Variants in CDC25A observed in about 807,000 individuals in gnomAD.
The protein encoded by CDC25A is cell division cycle 25A.
A neutral mutation model predicts 64.6 loss-of-function variants in CDC25A; 17 were observed. The observed-to-expected ratio is 0.26, with a 90% confidence interval of 0.18 to 0.39. CDC25A has a LOEUF of 0.39. Ranked by LOEUF, CDC25A falls within the 10% of genes least tolerant of loss-of-function variation. The pLI is 1.00. For missense variants in CDC25A, 473 were observed against 654.8 expected (o/e 0.72, Z 3.03); for synonymous variants, 229 against 238.6 (o/e 0.96, Z 0.37).
chr3:48,185,490 G>C lies in CDC25A; in HGVS notation c.248-795C>G, dbSNP rs189199453. On this transcript the variant is annotated intron_variant, in intron 2 of 14. Transcript: ENST00000302506. ...TGTAATCTCAGCACTTTGGGAGGTC[G>C]AAGTGGGTGGATCACCTGAGATCAG... is the stretch of plus-strand genomic sequence containing the variant. Among the ~76,000 whole-genome samples, 4 of 151,426 alleles carry C rather than the reference G, an allele frequency of 2.6e-5. No individual in the cohort carries two copies. In the South Asian group the frequency reaches 8.4e-4, roughly 32 times the overall value.
intron 9 of CDC25A, among the ~76,000 whole-genome samples, chr3:48,173,821 G>A (rs529382842): frequency 2.0e-5 from 3 of 152,234 alleles, no homozygotes; most frequent in East Asian, 1.9e-4. Context: ...AAGAATCACC[G>A]GTCATACCAA....
In CDC25A at chr3:48,157,679, G is replaced by A. The variant is rs769202800; in HGVS notation, c.*1266C>T. The A allele has an allele frequency of 6.4e-4, 98 of 152,502 alleles. 1 individual carries two copies. Among genetic ancestry groups the A allele is most frequent in the Non-Finnish European group, 3.7e-4 (25 of 68,022 alleles). 9.4% of individuals were successfully genotyped at this position (152,502 alleles called of 1,614,324 possible). Reference sequence around the variant, plus strand: ...TATGGAGTTAGATAAGGGGACAACCGGTGATGATTCATCACTCCCTGTCTC... The same window carrying A: ...TATGGAGTTAGATAAGGGGACAACCAGTGATGATTCATCACTCCCTGTCTC... On this transcript the variant is annotated 3_prime_UTR_variant, in exon 15 of 15. Transcript: ENST00000302506.
Position 48,186,797 on chromosome 3 carries a change from AAACC to A in CDC25A, c.171-22_171-19del. 1 of 1,522,956 alleles carries A rather than the reference AAACC, an allele frequency of 6.6e-7. No individual in the cohort carries two copies. Among genetic ancestry groups the A allele is most frequent in the Non-Finnish European group, 9.0e-7 (1 of 1,105,614 alleles). 94.3% of individuals were successfully genotyped at this position (1,522,956 alleles called of 1,614,324 possible). A position where few individuals can be genotyped will look rare whatever the true frequency, so the allele number is the denominator to read the frequency against. On this transcript the variant is annotated intron_variant, in intron 1 of 14. Coordinates refer to ENST00000302506, the MANE Select transcript of CDC25A (RefSeq NM_001789.3). Reference sequence around the variant, plus strand: ...CATAATCACTGAAACCAACAGAAATAAACCATGAATGATTTATAGGATATAATTA... The same window carrying A: ...CATAATCACTGAAACCAACAGAAATAATGAATGATTTATAGGATATAATTA...
intron 9 of CDC25A, among the ~76,000 whole-genome samples, chr3:48,170,287 C>T (rs3731534): frequency 0.21 from 32,030 of 152,106 alleles, 4,315 homozygotes; most frequent in Non-Finnish European, 0.3. Context: ...GTTGAGGGCC[C>T]AGTCCTCAAA....
At chr3:48,176,577 A>T (rs968076299) in intron 8 of CDC25A, among the ~76,000 whole-genome samples, 7 of 147,016 alleles carry the variant, frequency 4.8e-5, no homozygotes, top group Non-Finnish European at 9.0e-5. Context: ...TATTATATAT[A>T]ATTTTTAAAA....
chr3:48,184,279 T>C (rs1575273928), intron 3 of CDC25A, among the ~76,000 whole-genome samples: 1 of 152,010 alleles, frequency 6.6e-6, no homozygotes, highest in African/African-American at 2.4e-5. Flanking sequence ...GGAGAATCAG[T>C]TGAACCTGGG....
intron 8 of CDC25A, among the ~76,000 whole-genome samples, chr3:48,176,998 C>CA (rs1168689266): frequency 6.0e-5 from 9 of 150,780 alleles, no homozygotes; most frequent in African/African-American, 1.7e-4. Flanking sequence ...AACACAGAAA[C>CA]AAAAAAAATC....
intron 5 of CDC25A, chr3:48,181,743 A>T: frequency 1.4e-6 from 1 of 738,454 alleles, no homozygotes. Flanking sequence ...GCTGAATTAT[A>T]GAATGTTCAC....
Position 48,177,391 on chromosome 3 carries a change from C to T in CDC25A, c.736G>A (p.Val246Ile). ...CMASLWTAPLVMRTTNLDNRC... is the reference protein window; with the variant it reads ...CMASLWTAPLIMRTTNLDNRC... ...CTCACAAGGTTTGTAGTTCTCATGA[C>T]GAGAGGAGCTGTCCAGAGGCTTGCC... Residue 246 changes from valine (V) to isoleucine (I), a missense_variant, in exon 8 of 15, where the codon GTC (valine) becomes ATC (isoleucine). By Grantham distance (29) the Val-to-Ile change is conservative (BLOSUM62 3). This residue lies in a region of CDC25A where 376 missense variants were observed against 431.9 expected (regional missense o/e 0.87). Transcript: ENST00000302506. 6.2e-7 allele frequency: 1 copy of T among 1,613,866 alleles called. No individual in the cohort carries two copies. Among genetic ancestry groups the T allele is most frequent in the Middle Eastern group, 1.6e-4 (1 of 6,062 alleles).
At chr3:48,162,854 A>T (rs1030217685) in intron 13 of CDC25A, among the ~76,000 whole-genome samples, 1 of 151,828 alleles carries the variant, frequency 6.6e-6, no homozygotes, top group Non-Finnish European at 1.5e-5. Context: ...TCTCAAAAAA[A>T]AAAAAAGGTT....
intron 10 of CDC25A, among the ~76,000 whole-genome samples, chr3:48,167,532 A>G (rs2032073868): frequency 6.6e-6 from 1 of 152,156 alleles, no homozygotes; most frequent in Non-Finnish European, 1.5e-5. Context: ...TCTGCTGTAC[A>G]CTATCCTGCT....
rs372516294 is a variant in CDC25A at position 48,158,941 on chromosome 3, G to A, written c.*4C>T. ...TGGGCTGCTGCTGGCTGGTCCTGCCGCCCTCAGAGCTTCTTCAGACGACTG... is the reference window on the plus strand; with the variant it reads ...TGGGCTGCTGCTGGCTGGTCCTGCCACCCTCAGAGCTTCTTCAGACGACTG... On this transcript the variant is annotated 3_prime_UTR_variant, in exon 15 of 15. Transcript: ENST00000302506. The A allele has an allele frequency of 1.1e-5, 18 of 1,613,832 alleles. No individual in the cohort carries two copies. The highest frequency in any genetic ancestry group is 1.6e-4 in the Middle Eastern group (1 of 6,080).
chr3:48,178,245 A>G (rs1309140755), intron 6 of CDC25A, among the ~76,000 whole-genome samples: 1 of 152,114 alleles, frequency 6.6e-6, no homozygotes, highest in Admixed American at 6.5e-5. Flanking sequence ...GGTACTAGAG[A>G]TAGCCTCTTG....
Position 48,178,004 on chromosome 3 carries a change from C to T in CDC25A, c.550-16G>A. Reference sequence around the variant, plus strand: ...TTGAGGAAAGCTGTAAGACAAAATTCATGGATTAATAATGAGAGCTCTGAT... The same window carrying T: ...TTGAGGAAAGCTGTAAGACAAAATTTATGGATTAATAATGAGAGCTCTGAT... On this transcript the variant is annotated splice_polypyrimidine_tract_variant and intron_variant, in intron 6 of 14. Transcript: ENST00000302506. The T allele has an allele frequency of 6.3e-7, 1 of 1,599,754 alleles. No individual in the cohort carries two copies. Among genetic ancestry groups the T allele is most frequent in the Non-Finnish European group, 8.5e-7 (1 of 1,172,612 alleles).
chr3:48,180,854 T>G lies in CDC25A; in HGVS notation c.430-14A>C. 6.2e-7 allele frequency: 1 copy of G among 1,613,710 alleles called. No homozygotes were observed. The highest frequency in any genetic ancestry group is 8.5e-7 in the Non-Finnish European group (1 of 1,179,866). On this transcript the variant is annotated splice_polypyrimidine_tract_variant and intron_variant, in intron 5 of 14. Transcript: ENST00000302506. The stretch of plus-strand genomic sequence containing the variant: ...CTCAAAGGCTTCCTGCAAGACATAG[T>G]TGAGACATCTACTGTCCATGAAAAC...
At chr3:48,176,406 T>C (rs2032458062) in intron 8 of CDC25A, among the ~76,000 whole-genome samples, 1 of 151,640 alleles carries the variant, frequency 6.6e-6, no homozygotes, top group Non-Finnish European at 1.5e-5. Context: ...TGTGTGTATA[T>C]ATATGTGATT....
At chr3:48,164,174 G>T in intron 13 of CDC25A, 133 bp downstream of exon 13, 1 of 763,112 alleles carries the variant, frequency 1.3e-6, no homozygotes, top group Non-Finnish European at 2.0e-6. Context: ...AATTACATAT[G>T]AAAATGGCTT....
At chr3:48,183,105 A>G in intron 4 of CDC25A, 75 bp from the exon 5 acceptor site, 1 of 1,017,810 alleles carries the variant, frequency 9.8e-7, no homozygotes, top group Non-Finnish European at 1.5e-6. Flanking sequence ...CTCAAAAGAA[A>G]AAAAAGGGGG....
At chr3:48,172,527 A>T (rs2032304995) in intron 9 of CDC25A, among the ~76,000 whole-genome samples, 1 of 152,226 alleles carries the variant, frequency 6.6e-6, no homozygotes, top group Non-Finnish European at 1.5e-5. Context: ...TAGAAAAAAT[A>T]ACACAAAGGA....
Sources: allele counts gnomAD v4.1 joint callset (sites outside exome capture counted in the v4.1 genomes callset), GRCh38; gene constraint gnomAD v4.1.1; regional missense constraint gnomAD v4.1.1; transcripts MANE v1.5; gene names NCBI Gene and HGNC (gene_info 2026-07-23, HGNC 2026-07-21).